ZNRF1: variants seen among roughly 807,000 people sequenced by gnomAD.
The protein encoded by ZNRF1 is zinc and ring finger 1.
In ZNRF1, 3 loss-of-function variants were observed where a neutral mutation model predicts 18.4. That is an observed-to-expected ratio of 0.16 (90% CI 0.07 to 0.42). The LOEUF is 0.42. Ranked by LOEUF, ZNRF1 falls within the 10% of genes least tolerant of loss-of-function variation. The probability of loss-of-function intolerance (pLI) is 0.99; values close to 1 mark genes in which losing one functional copy is unlikely to be tolerated. For synonymous variants in ZNRF1, 157 were observed against 144.2 expected (o/e 1.09, Z -0.64); for missense variants, 310 against 329.8 (o/e 0.94, Z 0.47).
intron 1 of ZNRF1, among the ~76,000 whole-genome samples, chr16:75,077,212 G>A (rs939531664): frequency 6.6e-6 from 1 of 152,178 alleles, no homozygotes; most frequent in Non-Finnish European, 1.5e-5. Flanking sequence ...CCAACATGGT[G>A]AAACCCCATC....
intron 1 of ZNRF1, among the ~76,000 whole-genome samples, chr16:75,081,651 A>T (rs959199338): frequency 1.3e-5 from 2 of 152,124 alleles, no homozygotes; most frequent in Non-Finnish European, 2.9e-5. Context: ...GTGGAAACAG[A>T]GGTGGAGCAG....
intron 1 of ZNRF1, among the ~76,000 whole-genome samples, chr16:75,068,723 C>A (rs2145397204): frequency 6.6e-6 from 1 of 152,098 alleles, no homozygotes; most frequent in African/African-American, 2.4e-5. Context: ...GCAACAAGCT[C>A]CTCACCACTT....
chr16:75,048,588 A>C (rs1725083009), intron 1 of ZNRF1, among the ~76,000 whole-genome samples: 2 of 152,288 alleles, frequency 1.3e-5, no homozygotes, highest in East Asian at 3.9e-4. Flanking sequence ...GATACCTTTC[A>C]CTGAGTTGAA....
chr16:75,095,642 T>C (rs1037563537), intron 2 of ZNRF1: 2 of 1,550,042 alleles, frequency 1.3e-6, no homozygotes, highest in African/African-American at 2.7e-5. Flanking sequence ...TGAGAAAACC[T>C]GGCTCTCAGG....
At chr16:75,057,567 G>A (rs1322377910) in intron 1 of ZNRF1, among the ~76,000 whole-genome samples, 2 of 152,132 alleles carry the variant, frequency 1.3e-5, no homozygotes, top group South Asian at 2.1e-4. Context: ...CCTCAGGATC[G>A]TCATAACAGC....
At chr16:75,086,253 A>G (rs1045760711) in intron 1 of ZNRF1, among the ~76,000 whole-genome samples, 2 of 152,104 alleles carry the variant, frequency 1.3e-5, no homozygotes, top group African/African-American at 2.4e-5. Context: ...GGCCCAGTCA[A>G]ATTGACCCAT....
intron 1 of ZNRF1, among the ~76,000 whole-genome samples, chr16:75,069,454 C>T (rs2035843746): frequency 6.6e-6 from 1 of 152,130 alleles, no homozygotes; most frequent in Admixed American, 6.6e-5. Context: ...TGCTCTATTG[C>T]CCAGGCTGGA....
chr16:75,094,448 A>G (rs979427269), intron 2 of ZNRF1, among the ~76,000 whole-genome samples: 1 of 152,262 alleles, frequency 6.6e-6, no homozygotes, highest in Non-Finnish European at 1.5e-5. Flanking sequence ...TTTGGAGTCC[A>G]GGTGATGGGA....
intron 1 of ZNRF1, among the ~76,000 whole-genome samples, chr16:75,020,478 TCTTA>T (rs1421863282): frequency 6.6e-6 from 1 of 152,124 alleles, no homozygotes; most frequent in Non-Finnish European, 1.5e-5. Context: ...TTATTTCATA[TCTTA>T]CTTTGTGCTA....
intron 2 of ZNRF1, among the ~76,000 whole-genome samples, chr16:75,101,523 C>T (rs1238027138): frequency 1.3e-5 from 2 of 151,784 alleles, no homozygotes; most frequent in Non-Finnish European, 1.5e-5. Flanking sequence ...TCCATCCTGG[C>T]GATAGAGCGA....
intron 1 of ZNRF1, among the ~76,000 whole-genome samples, chr16:75,072,233 A>G (rs2035879522): frequency 6.6e-6 from 1 of 152,006 alleles, no homozygotes. Context: ...CAGCCTCCCA[A>G]AGTGCTGGGA....
chr16:75,083,354 A>G (rs1480633526), intron 1 of ZNRF1, among the ~76,000 whole-genome samples: 1 of 152,238 alleles, frequency 6.6e-6, no homozygotes, highest in African/African-American at 2.4e-5. Context: ...TAGTTGGTAC[A>G]AGGCCATCTG....
intron 1 of ZNRF1, among the ~76,000 whole-genome samples, chr16:75,029,186 G>T (rs112821391): frequency 2.7e-5 from 4 of 150,430 alleles, no homozygotes; most frequent in African/African-American, 9.8e-5. Context: ...TCGTGCTGTC[G>T]CCCAGGCTGG....
chr16:75,085,485 A>G lies in ZNRF1; in HGVS notation c.425-8087A>G, dbSNP rs1364289526. Among the ~76,000 whole-genome samples, 4 of 152,328 alleles carry G rather than the reference A, an allele frequency of 2.6e-5. No homozygotes were observed. The East Asian group carries it at 7.7e-4, about 29-fold the overall frequency. On this transcript the variant is annotated intron_variant, in intron 1 of 4. Transcript: ENST00000335325. ...TTTGCTTGTTAGGAATAAAGCTGTGATGAACATTCTTGTAAATGACTATTT... is the reference window on the plus strand; with the variant it reads ...TTTGCTTGTTAGGAATAAAGCTGTGGTGAACATTCTTGTAAATGACTATTT...
At chr16:75,005,184 C>A (rs1243746542) in intron 1 of ZNRF1, among the ~76,000 whole-genome samples, 1 of 152,060 alleles carries the variant, frequency 6.6e-6, no homozygotes, top group East Asian at 1.9e-4. Flanking sequence ...TGCAAAAGTT[C>A]TATTGTTAAT....
At chr16:75,040,042 C>CTTTCTTTTTTTT (rs2035423345) in intron 1 of ZNRF1, among the ~76,000 whole-genome samples, 4 of 78,892 alleles carry the variant, frequency 5.1e-5, no homozygotes, top group African/African-American at 1.1e-4. Flanking sequence ...TCTTTTCTTT[C>CTTTCTTTTTTTT]TTTTTTTTTT....
intron 1 of ZNRF1, among the ~76,000 whole-genome samples, chr16:75,030,990 G>GTGA (rs1050663981): frequency 6.6e-6 from 1 of 151,640 alleles, no homozygotes; most frequent in African/African-American, 2.4e-5. Flanking sequence ...GGTGTGCACC[G>GTGA]CCACGCCTAG....
intron 2 of ZNRF1, chr16:75,095,517 CAT>C (rs780469353): frequency 1.6e-5 from 22 of 1,357,270 alleles, no homozygotes; most frequent in Non-Finnish European, 2.0e-5. Flanking sequence ...TTCTTTCCCA[CAT>C]GTGTGGAGAC....
At chr16:75,056,951 T>C (rs530728176) in intron 1 of ZNRF1, among the ~76,000 whole-genome samples, 15 of 151,822 alleles carry the variant, frequency 9.9e-5, no homozygotes, top group Non-Finnish European at 1.6e-4. Flanking sequence ...AAAGACTTTT[T>C]AATGCCACTA....
Sources: allele counts gnomAD v4.1 joint callset (sites outside exome capture counted in the v4.1 genomes callset), GRCh38; gene constraint gnomAD v4.1.1; transcripts MANE v1.5; gene names NCBI Gene and HGNC (gene_info 2026-07-23, HGNC 2026-07-21).